Variants in PGGHG observed in about 807,000 individuals in gnomAD.
PGGHG encodes protein-glucosylgalactosylhydroxylysine glucosidase, also known as ATH1, acid trehalase-like 1.
A neutral mutation model predicts 74.5 loss-of-function variants in PGGHG; 67 were observed. The ratio of observed to expected loss-of-function variants is 0.90; its 90% CI spans 0.74 to 1.10. The LOEUF (loss-of-function observed/expected upper bound fraction) is 1.10, where lower values mean the gene tolerates loss of function less well. PGGHG is among the 50% of genes least tolerant of loss of function. The pLI is 0.00. For synonymous variants in PGGHG, 496 were observed against 419.9 expected (o/e 1.18, Z -2.21); for missense variants, 1,034 against 981.5 (o/e 1.05, Z -0.72).
chr11:292,362 G>T (rs777974712), intron 5 of PGGHG, among the ~76,000 whole-genome samples, 184 bp from the exon 6 acceptor site: 1 of 152,088 alleles, frequency 6.6e-6, no homozygotes, highest in Non-Finnish European at 1.5e-5. Flanking sequence ...GTCAGCACTC[G>T]GTGAGAACTG....
At position 290,009 on chromosome 11, in the gene PGGHG, CG is replaced by C. The variant is rs1564838820; in HGVS notation, c.195del (p.Leu66TrpfsTer11). 5 of 1,547,448 alleles carry C rather than the reference CG, an allele frequency of 3.2e-6. No individual in the cohort carries two copies. Among genetic ancestry groups the C allele is most frequent in the Non-Finnish European group, 3.5e-6 (4 of 1,146,774 alleles). ...RAMLPSPLNV[R>X]LEAPAGMGEQ... ...CATGCTGCCCAGCCCCCTCAACGTC[CG>C]GCTGGAGGCCCCTGCAGGGATGGGG... is the stretch of plus-strand genomic sequence containing the variant. On this transcript the variant is annotated frameshift_variant, in exon 2 of 14. Transcript: ENST00000409548. LOFTEE classifies it high-confidence loss of function.
Position 294,979 on chromosome 11 carries a change from C to T in PGGHG, c.*230C>T, listed in dbSNP as rs1386907939. ...GGCATCTCCACACCGCCTCTGCCTG[C>T]CCCTGTGGACTGATGCTATCGCGCA... On this transcript the variant is annotated 3_prime_UTR_variant, in exon 14 of 14. Coordinates refer to ENST00000409548, the MANE Select transcript of PGGHG (RefSeq NM_025092.5). 2 of 505,034 alleles carry T rather than the reference C, an allele frequency of 4.0e-6. No homozygotes were observed. Among genetic ancestry groups the T allele is most frequent in the Non-Finnish European group, 3.5e-6 (1 of 289,258 alleles). The allele number at this position is 505,034 out of a possible 1,614,324, so 31.3% of individuals were successfully genotyped here.
Position 290,562 on chromosome 11 carries a change from C to G in PGGHG, c.432C>G (p.Asp144Glu). 2 of 1,551,966 alleles carry G rather than the reference C, an allele frequency of 1.3e-6. No individual in the cohort carries two copies. Among genetic ancestry groups the G allele is most frequent in the Non-Finnish European group, 1.7e-6 (2 of 1,147,652 alleles). Reference protein sequence around the residue: ...LRSAFSPESPDLDLHQGPDFQ... With the variant: ...LRSAFSPESPELDLHQGPDFQ... ...CAGCCTTCTCCCCAGAAAGCCCAGA[C>G]CTGGACCTGCATCAGGGTCCTGACT... The change falls in exon 3 of 14, where the codon GAC becomes GAG. Residue 144 changes from aspartate to glutamate, a missense_variant. Transcript: ENST00000409548.
chr11:289,650 G>A lies in PGGHG; in HGVS notation c.-13-154G>A. 1.1e-6 allele frequency: 1 copy of A among 941,188 alleles called. No homozygotes were observed. The highest frequency in any genetic ancestry group is 1.8e-5 in the South Asian group (1 of 56,460). 58.3% of individuals were successfully genotyped at this position (941,188 alleles called of 1,614,324 possible). A position where few individuals can be genotyped will look rare whatever the true frequency, so the allele number is the denominator to read the frequency against. ...GAGAGTCGAGCTCCTTTCCTGCGAG[G>A]CCCCGTCTAGGAGGGGCCTCAGGAA... On this transcript the variant is annotated intron_variant, in intron 1 of 13. Coordinates refer to ENST00000409548, the MANE Select transcript of PGGHG (RefSeq NM_025092.5). This position sits in a 1 kb window ranked among gnomAD's most constrained non-coding sequence, Gnocchi z 5.6.
At chr11:291,439 A>C (rs1050479570) in intron 4 of PGGHG, 1 of 332,660 alleles carries the variant, frequency 3.0e-6, no homozygotes, top group African/African-American at 2.1e-5. Context: ...GGGCCAGTGG[A>C]GCTCCAGGGA....
rs1171839285 is a variant in PGGHG at position 294,361 on chromosome 11, A to G, written c.1903A>G (p.Asn635Asp). The G allele has an allele frequency of 6.2e-7, 1 of 1,612,986 alleles. No homozygotes were observed. Among genetic ancestry groups the G allele is most frequent in the East Asian group, 2.2e-5 (1 of 44,862 alleles). Residue 635 changes from asparagine to aspartate, a missense_variant, in exon 13 of 14, where the codon AAC becomes GAC. Coordinates refer to ENST00000409548, the MANE Select transcript of PGGHG (RefSeq NM_025092.5). Reference protein sequence around the residue: ...SGIFYQGNKLNFSFSEDSVTV... With the variant: ...SGIFYQGNKLDFSFSEDSVTV... ...CATCTTCTACCAGGGGAACAAGCTC[A>G]ACTTCTCTTTTTCCGAGGACTCCGT...
chr11:294,030 T>A (rs1210865523), intron 11 of PGGHG, 69 bp from the exon 12 acceptor site: 8 of 1,577,616 alleles, frequency 5.1e-6, no homozygotes, highest in Non-Finnish European at 6.9e-6. Context: ...TCCTGCCGGA[T>A]CTTGGGACAG....
At chr11:293,539 C>G (rs201190713) in intron 9 of PGGHG, 37 bp downstream of exon 9, 14 of 1,612,034 alleles carry the variant, frequency 8.7e-6, no homozygotes, top group Non-Finnish European at 8.5e-7. Context: ...CCCCTGCCGT[C>G]GAGACCCTCG....
rs1305800477 is a variant in PGGHG at position 293,003 on chromosome 11, G to GA, written c.1270+6_1270+7insA. The GA allele has an allele frequency of 6.2e-7, 1 of 1,613,872 alleles. No homozygotes were observed. Among genetic ancestry groups the GA allele is most frequent in the South Asian group, 1.1e-5 (1 of 91,074 alleles). On this transcript the variant is annotated splice_region_variant and intron_variant, in intron 7 of 13. Coordinates refer to ENST00000409548, the MANE Select transcript of PGGHG (RefSeq NM_025092.5). Reference sequence around the variant, plus strand: ...GGAAAAGTACCACCTGAGGGGTGAGGCCATGGTGGGGAGGGGCTCGGGGAG... The same window carrying GA: ...GGAAAAGTACCACCTGAGGGGTGAGGACCATGGTGGGGAGGGGCTCGGGGAG...
rs762113759 is a variant in PGGHG, at chr11:292,598, A to C, written c.1079A>C (p.Glu360Ala). 15 of 1,613,590 alleles carry C rather than the reference A, an allele frequency of 9.3e-6. No individual in the cohort carries two copies. Among genetic ancestry groups the C allele is most frequent in the Middle Eastern group, 1.6e-4 (1 of 6,084 alleles). The change falls in exon 6 of 14, where the codon GAG (glutamate) becomes GCG (alanine). Residue 360 changes from glutamate to alanine, a missense_variant. Transcript: ENST00000409548. ...GACTCCGGCCTAGAGGTTTGCCCTG[A>C]GGACATTTACGGAGTCCAGGAGGTC... The part of the protein sequence containing the change: ...SADSGLEVCP[E>A]DIYGVQEVHV...
chr11:292,921 C>G lies in PGGHG; in HGVS notation c.1194C>G (p.Asp398Glu). Residue 398 changes from aspartate (D) to glutamate (E), a missense_variant, in exon 7 of 14, where the codon GAC becomes GAG. Physicochemically the swap from Asp to Glu is conservative, Grantham distance 45. Coordinates refer to ENST00000409548, the MANE Select transcript of PGGHG (RefSeq NM_025092.5). The stretch of plus-strand genomic sequence containing the variant: ...TATTTCGAGAGGCTGGTGGCTGGGA[C>G]GTGGTCAGGGCTGTGGCCGAGTTTT... Reference protein sequence around the residue: ...LQLFREAGGWDVVRAVAEFWC... With the variant: ...LQLFREAGGWEVVRAVAEFWC... 6.2e-7 allele frequency: 1 copy of G among 1,614,078 alleles called. No individual in the cohort carries two copies. Among genetic ancestry groups the G allele is most frequent in the Non-Finnish European group, 8.5e-7 (1 of 1,179,994 alleles).
rs948531465 is a variant in PGGHG at position 289,940 on chromosome 11, G to GTGA, written c.125_127dup (p.Val42_Ser43insMet). The stretch of plus-strand genomic sequence containing the variant: ...ACGAGTGTTTCACGACACGCTGCAC[G>GTGA]TGAGCGGCGTGTACAATGGGGCTGG... On this transcript the variant is annotated inframe_insertion, in exon 2 of 14. Transcript: ENST00000409548. This position sits in a 1 kb window ranked among gnomAD's most constrained non-coding sequence, Gnocchi z 5.6. 1.3e-6 allele frequency: 2 copies of GTGA among 1,550,632 alleles called. No homozygotes were observed. Among genetic ancestry groups the GTGA allele is most frequent in the African/African-American group, 2.7e-5 (2 of 73,064 alleles).
rs1462416421 is a variant in PGGHG, at chr11:292,457, C to T, written c.1027-89C>T. 3.6e-5 allele frequency: 55 copies of T among 1,529,770 alleles called. No individual in the cohort carries two copies. In the East Asian group the frequency reaches 1.2e-3, roughly 34 times the overall value. The allele number at this position is 1,529,770 out of a possible 1,614,324, so 94.8% of individuals were successfully genotyped here. A position where few individuals can be genotyped will look rare whatever the true frequency, so the allele number is the denominator to read the frequency against. ...CAGGGTACCTGGCGCAGGCCGAGCC[C>T]CCCCTCCTCCAGGGCGAGGGCACGG... On this transcript the variant is annotated intron_variant, in intron 5 of 13. Transcript: ENST00000409548.
chr11:292,190 TG>T, intron 5 of PGGHG, 95 bp downstream of exon 5: 1 of 1,418,130 alleles, frequency 7.1e-7, no homozygotes, highest in Non-Finnish European at 9.3e-7. Context: ...AGGCCCCCTC[TG>T]GACAAAGCTG....
chr11:292,768 C>A, intron 6 of PGGHG, 91 bp downstream of exon 6: 1 of 1,607,146 alleles, frequency 6.2e-7, no homozygotes, highest in Non-Finnish European at 8.5e-7. Context: ...GGGGCTGGTC[C>A]TGGGAAGCTG....
rs765745398 is a variant in PGGHG, at chr11:294,213, G to T, written c.1808+17G>T. ...GGGGTTCAGGTAAGTGCAGAGGCTG[G>T]CAGAGGGCAGCCCATGCCCCCACCT... On this transcript the variant is annotated intron_variant, in intron 12 of 13. Coordinates refer to ENST00000409548, the MANE Select transcript of PGGHG (RefSeq NM_025092.5). 7 of 1,598,904 alleles carry T rather than the reference G, an allele frequency of 4.4e-6. No individual in the cohort carries two copies. In the African/African-American group the frequency reaches 9.4e-5, roughly 21 times the overall value.
At chr11:290,104 G>A in intron 2 of PGGHG, 29 bp downstream of exon 2, 1 of 1,500,246 alleles carries the variant, frequency 6.7e-7, no homozygotes, top group East Asian at 2.5e-5. Context: ...CCTCACCCCT[G>A]CCCCAGGCAT....
intron 4 of PGGHG, chr11:291,713 G>T (rs574189723): frequency 4.1e-4 from 175 of 422,794 alleles, no homozygotes; most frequent in Non-Finnish European, 5.9e-4. Flanking sequence ...CTGCCCATGC[G>T]CATATTCGGG....
In PGGHG at chr11:293,944, G is replaced by A. The variant is rs1311154663; in HGVS notation, c.1710+19G>A. ...CTTCAAGGTCAGCCTGGCCACACCT[G>A]CCTCCCACTGGGCCCCTTGTGGTGG... is the stretch of plus-strand genomic sequence containing the variant. On this transcript the variant is annotated intron_variant, in intron 11 of 13. Transcript: ENST00000409548. 1 of 1,606,046 alleles carries A rather than the reference G, an allele frequency of 6.2e-7. No homozygotes were observed. Among genetic ancestry groups the A allele is most frequent in the East Asian group, 2.2e-5 (1 of 44,672 alleles).
Sources: gnomAD v4.1 joint callset for allele counts (sites outside exome capture counted in the v4.1 genomes callset) on GRCh38, gnomAD v4.1.1 for gene constraint, Gnocchi (gnomAD v3.1) non-coding constraint, MANE v1.5 for transcripts, NCBI Gene and HGNC (gene_info 2026-07-23, HGNC 2026-07-21) for gene names.